ROBO1: variants seen among roughly 807,000 people sequenced by gnomAD.
The protein encoded by ROBO1 is roundabout guidance receptor 1, also known as roundabout homolog 1.
In ROBO1, 149 loss-of-function variants were observed where a neutral mutation model predicts 195.9. The ratio of observed to expected loss-of-function variants is 0.76; its 90% CI spans 0.67 to 0.87. The LOEUF is 0.87. Ranked by LOEUF, ROBO1 falls within the 40% of genes least tolerant of loss-of-function variation. The pLI is 0.00. For missense variants in ROBO1, 1,933 were observed against 2,068.3 expected (o/e 0.93, Z 1.27); for synonymous variants, 816 against 733.2 (o/e 1.11, Z -1.82).
rs1472741237 is a variant in ROBO1, at chr3:79,265,243, C to G, written c.89-139704G>C. On this transcript the variant is annotated intron_variant, in intron 2 of 30. Transcript: ENST00000464233. ...CTCATCAGGATAGGGATGAGTATCT[C>G]TATGTTCTTTTGGAGATAGGACTAG... 2.6e-5 allele frequency among the ~76,000 whole-genome samples: 4 copies of G among 151,262 alleles called. No individual in the cohort carries two copies. The East Asian group carries it at 7.8e-4, about 29-fold the overall frequency.
intron 2 of ROBO1, among the ~76,000 whole-genome samples, chr3:79,382,414 A>T: frequency 6.6e-6 from 1 of 151,826 alleles, no homozygotes; most frequent in East Asian, 1.9e-4. Flanking sequence ...AGCATTTGGA[A>T]TATAAATTTT....
intron 1 of ROBO1, among the ~76,000 whole-genome samples, chr3:79,717,477 C>A (rs1702536280): frequency 6.6e-6 from 1 of 151,956 alleles, no homozygotes; most frequent in Admixed American, 6.6e-5. Flanking sequence ...ATGAAATAAA[C>A]ATTAATTGGC....
At chr3:79,067,636 A>G (rs1576635098) in intron 3 of ROBO1, among the ~76,000 whole-genome samples, 3 of 12,026 alleles carry the variant, frequency 2.5e-4, no homozygotes, top group South Asian at 0.12. Flanking sequence ...TTTGTTTTCA[A>G]CTTGTTTCAG....
intron 3 of ROBO1, among the ~76,000 whole-genome samples, chr3:79,040,820 A>G (rs2078473926): frequency 6.6e-6 from 1 of 152,098 alleles, no homozygotes. Context: ...AAAGTATTCA[A>G]TTGTGTAATA....
intron 1 of ROBO1, among the ~76,000 whole-genome samples, chr3:79,673,273 A>G (rs540598239): frequency 6.6e-6 from 1 of 151,984 alleles, no homozygotes; most frequent in Admixed American, 6.6e-5. Context: ...ATTTTTATAA[A>G]TTCATCAAGA....
chr3:79,542,506 C>A (rs1382263930), intron 2 of ROBO1, among the ~76,000 whole-genome samples: 2 of 152,020 alleles, frequency 1.3e-5, no homozygotes, highest in Non-Finnish European at 2.9e-5. Flanking sequence ...GAAACTCAAG[C>A]TTCAGCTACA....
chr3:79,582,809 C>G (rs1323130572), intron 2 of ROBO1, among the ~76,000 whole-genome samples: 3 of 151,988 alleles, frequency 2.0e-5, no homozygotes, highest in Non-Finnish European at 4.4e-5. Context: ...TTTCTACCAA[C>G]CAAATAAGTT....
chr3:78,729,711 T>C (rs1351153925), intron 5 of ROBO1, among the ~76,000 whole-genome samples: 3 of 152,140 alleles, frequency 2.0e-5, no homozygotes, highest in East Asian at 1.9e-4. Flanking sequence ...GTGAATCCTA[T>C]AAAAGGAGGC....
chr3:78,831,070 G>A (rs1197246277), intron 4 of ROBO1, among the ~76,000 whole-genome samples: 1 of 151,864 alleles, frequency 6.6e-6, no homozygotes, highest in African/African-American at 2.4e-5. Flanking sequence ...CCACCACCAC[G>A]CCTGGCTAAT....
intron 3 of ROBO1, among the ~76,000 whole-genome samples, chr3:79,124,437 A>G (rs2080177551): frequency 6.6e-6 from 1 of 152,192 alleles, no homozygotes. Flanking sequence ...GGATGCTTCA[A>G]AAGTAAAATA....
intron 2 of ROBO1, among the ~76,000 whole-genome samples, chr3:79,196,218 C>T (rs2081630930): frequency 1.3e-5 from 2 of 150,100 alleles, no homozygotes; most frequent in South Asian, 2.1e-4. Context: ...TGGTGGTTTT[C>T]TCAGAAAAGA....
intron 4 of ROBO1, among the ~76,000 whole-genome samples, chr3:78,829,090 C>G (rs1207446438): frequency 1.3e-5 from 2 of 152,070 alleles, no homozygotes; most frequent in Non-Finnish European, 2.9e-5. Context: ...TAAGAAAGAT[C>G]TGAATATTCT....
At chr3:78,961,672 A>G (rs974498653) in intron 3 of ROBO1, among the ~76,000 whole-genome samples, 7 of 152,202 alleles carry the variant, frequency 4.6e-5, no homozygotes, top group African/African-American at 1.7e-4. Flanking sequence ...AAGTGGAACT[A>G]ATATTCAGAC....
At chr3:79,114,501 C>T (rs1249980441) in intron 3 of ROBO1, among the ~76,000 whole-genome samples, 5 of 152,162 alleles carry the variant, frequency 3.3e-5, no homozygotes, top group African/African-American at 1.2e-4. Context: ...ATCTCTGTCC[C>T]CAGCTTATCA....
intron 2 of ROBO1, among the ~76,000 whole-genome samples, chr3:79,373,561 G>A (rs1489845): frequency 6.6e-6 from 1 of 152,094 alleles, no homozygotes; most frequent in Non-Finnish European, 1.5e-5. Flanking sequence ...AAATTCTACA[G>A]AGAACAATAA....
chr3:79,034,488 GC>G, intron 3 of ROBO1, among the ~76,000 whole-genome samples: 1 of 152,196 alleles, frequency 6.6e-6, no homozygotes, highest in Non-Finnish European at 1.5e-5. Context: ...AAGTGATCAT[GC>G]CCTTTGATAT....
chr3:79,563,071 ATGGCTAG>A (rs566612267), intron 2 of ROBO1, among the ~76,000 whole-genome samples: 210 of 152,158 alleles, frequency 1.4e-3, no homozygotes, highest in African/African-American at 4.8e-3. Flanking sequence ...GAACACACAT[ATGGCTAG>A]GGGTGAAATA....
rs148618619 is a variant in ROBO1, at chr3:79,735,850, G to A, written c.-51+31902C>T. 8.0e-3 allele frequency among the ~76,000 whole-genome samples: 1,120 copies of A among 139,466 alleles called. 15 individuals carry two copies. Among genetic ancestry groups the A allele is most frequent in the African/African-American group, 0.029 (1,064 of 36,428 alleles). The allele number at this position is 139,466 out of a possible 152,430, so 91.5% of individuals were successfully genotyped here. On this transcript the variant is annotated intron_variant, in intron 1 of 30. Transcript: ENST00000464233. ...CGCGCCACTGCACTCCAGCCTGGGCGACAGAGAGAGACTCCGTCTCAAAAA... is the reference window on the plus strand; with the variant it reads ...CGCGCCACTGCACTCCAGCCTGGGCAACAGAGAGAGACTCCGTCTCAAAAA...
At chr3:79,414,706 C>T (rs2037926145) in intron 2 of ROBO1, among the ~76,000 whole-genome samples, 1 of 151,980 alleles carries the variant, frequency 6.6e-6, no homozygotes, top group Non-Finnish European at 1.5e-5. Context: ...AATTTTAGGT[C>T]ATAAGTATTG....
Sources: allele counts gnomAD v4.1 joint callset (sites outside exome capture counted in the v4.1 genomes callset), GRCh38; gene constraint gnomAD v4.1.1; transcripts MANE v1.5; gene names NCBI Gene and HGNC (gene_info 2026-07-23, HGNC 2026-07-21).